The following POU2AF3 variants were observed in gnomAD, a reference collection of about 807,000 sequenced individuals.
The protein encoded by POU2AF3 is POU class 2 homeobox associating factor 3.
chr11:111,298,956 G>A, the POU2AF3 span: 1 of 1,022,718 alleles, frequency 9.8e-7, no homozygotes, highest in Non-Finnish European at 1.2e-6. Context: ...AGAGCGCACC[G>A]ACTGCACTGA....
the POU2AF3 span, among the ~76,000 whole-genome samples, chr11:111,302,818 C>A: frequency 5.3e-5 from 8 of 152,248 alleles, 1 homozygote; most frequent in East Asian, 1.9e-4. Flanking sequence ...TGGAAGCCAT[C>A]GGATGGATCT....
chr11:111,302,615 C>G, the POU2AF3 span, among the ~76,000 whole-genome samples: 7 of 152,108 alleles, frequency 4.6e-5, no homozygotes, highest in African/African-American at 1.7e-4. Context: ...AGTAGTTTGA[C>G]TTATTTAAAT....
chr11:111,305,541 T>C, the POU2AF3 span, among the ~76,000 whole-genome samples: 45 of 152,228 alleles, frequency 3.0e-4, no homozygotes, highest in Non-Finnish European at 5.3e-4. Flanking sequence ...AACCTCTGCC[T>C]ATGGCCTCTC....
chr11:111,308,674 C>T, the POU2AF3 span: 1 of 352,336 alleles, frequency 2.8e-6, no homozygotes, highest in East Asian at 4.5e-5. Context: ...AATTGTTTTA[C>T]TTTTTGTATA....
the POU2AF3 span, among the ~76,000 whole-genome samples, chr11:111,305,596 A>G: frequency 6.6e-6 from 1 of 152,214 alleles, no homozygotes; most frequent in Non-Finnish European, 1.5e-5. Context: ...GGAACTTGAG[A>G]CCTCAAGAAG....
the POU2AF3 span, chr11:111,299,718 GGAGGGGGTAGGGAGA>G: frequency 8.1e-7 from 1 of 1,232,158 alleles, no homozygotes; most frequent in Non-Finnish European, 1.0e-6. Flanking sequence ...CCCCAGAAAG[GGAGGGGGTAGGGAGA>G]GAGGGGAAGA....
At chr11:111,298,835 C>T in the POU2AF3 span, 10 of 824,964 alleles carry the variant, frequency 1.2e-5, no homozygotes, top group South Asian at 6.4e-5. Context: ...GGCCCCCGCC[C>T]GCCCTCCCAC....
At chr11:111,305,467 T>A in the POU2AF3 span, among the ~76,000 whole-genome samples, 12 of 152,188 alleles carry the variant, frequency 7.9e-5, no homozygotes, top group Non-Finnish European at 1.6e-4. Context: ...AATAACTCGA[T>A]TACATAAACA....
the POU2AF3 span, chr11:111,300,346 T>C: frequency 0.71 from 247,105 of 347,780 alleles, 88,307 homozygotes; most frequent in South Asian, 0.83. Context: ...CCTGCTCAGC[T>C]ACTCTTCATT....
chr11:111,298,907 G>C, the POU2AF3 span: 5 of 1,097,712 alleles, frequency 4.6e-6, no homozygotes, highest in African/African-American at 1.6e-5. Flanking sequence ...AGCTGCTACG[G>C]GGGGAGCTAG....
chr11:111,306,713 T>C, the POU2AF3 span: 2 of 947,060 alleles, frequency 2.1e-6, no homozygotes, highest in Non-Finnish European at 1.6e-6. Context: ...TGGGAAATCA[T>C]ACAAAAACTA....
chr11:111,302,733 G>T, the POU2AF3 span, among the ~76,000 whole-genome samples: 1 of 152,182 alleles, frequency 6.6e-6, no homozygotes, highest in Non-Finnish European at 1.5e-5. Context: ...GACTGCATCA[G>T]CCTATGCCCT....
At chr11:111,308,193 C>G in the POU2AF3 span, 3 of 1,551,908 alleles carry the variant, frequency 1.9e-6, no homozygotes, top group Non-Finnish European at 2.6e-6. Flanking sequence ...GACACCAGAA[C>G]CTGTGGCTAC....
the POU2AF3 span, chr11:111,300,487 G>T: frequency 1.8e-6 from 2 of 1,081,954 alleles, no homozygotes; most frequent in South Asian, 9.6e-5. Flanking sequence ...CTGGCACCCA[G>T]ACCTTGGACT....
the POU2AF3 span, among the ~76,000 whole-genome samples, chr11:111,301,706 T>C: frequency 1.3e-5 from 2 of 152,166 alleles, no homozygotes; most frequent in Non-Finnish European, 2.9e-5. Context: ...GTCTTCAAAT[T>C]GGGGATGATA....
the POU2AF3 span, chr11:111,299,487 C>T: frequency 1.8e-6 from 2 of 1,118,722 alleles, no homozygotes; most frequent in African/African-American, 3.2e-5. Flanking sequence ...GCCCCTGCTC[C>T]CAGCGCTCAG....
At chr11:111,301,214 T>C in the POU2AF3 span, among the ~76,000 whole-genome samples, 1 of 152,194 alleles carries the variant, frequency 6.6e-6, no homozygotes, top group Non-Finnish European at 1.5e-5. Context: ...TTTCAGGTTA[T>C]TACAAAATTG....
chr11:111,303,724 T>C, the POU2AF3 span, among the ~76,000 whole-genome samples: 1 of 152,200 alleles, frequency 6.6e-6, no homozygotes, highest in South Asian at 2.1e-4. Context: ...TCAAAATTAA[T>C]ACTGCCTCCT....
At chr11:111,306,671 G>T in the POU2AF3 span, 1 of 1,375,780 alleles carries the variant, frequency 7.3e-7, no homozygotes, top group Middle Eastern at 1.8e-4. Context: ...TAACTATGGG[G>T]TAATAGTGCT....
Sources: allele counts gnomAD v4.1 joint callset (sites outside exome capture counted in the v4.1 genomes callset), GRCh38; gene constraint gnomAD v4.1.1; transcripts MANE v1.5; gene names NCBI Gene and HGNC (gene_info 2026-07-23, HGNC 2026-07-21).